Variants in TNFRSF8 observed in about 807,000 individuals in gnomAD.
TNFRSF8 encodes the protein tumor necrosis factor receptor superfamily member 8.
TNFRSF8 carries 26 observed loss-of-function variants against 70.8 expected under a neutral mutation model. The observed-to-expected ratio is 0.37, with a 90% CI of 0.27 to 0.51. The LOEUF is 0.51. Ranked by LOEUF, TNFRSF8 falls within the 20% of genes least tolerant of loss-of-function variation. The probability of loss-of-function intolerance (pLI) is 0.94; values close to 1 mark genes in which losing one functional copy is unlikely to be tolerated. For synonymous variants in TNFRSF8, 356 were observed against 339.2 expected (o/e 1.05, Z -0.54); for missense variants, 720 against 807.9 (o/e 0.89, Z 1.32).
rs984413108 is a variant in TNFRSF8, at chr1:12,109,740, C to T, written c.512+84C>T. 1.5e-5 allele frequency: 18 copies of T among 1,211,896 alleles called. No homozygotes were observed. The highest frequency in any genetic ancestry group is 2.2e-5 in the Non-Finnish European group (18 of 831,704). The allele number at this position is 1,211,896 out of a possible 1,614,324, so 75.1% of individuals were successfully genotyped here. ...CCCACCCCACAGGACGCCCATGGTA[C>T]AACTGGGCTGGGGGTGTAAGCGGGA... On this transcript the variant is annotated intron_variant, in intron 5 of 14. Coordinates refer to ENST00000263932, the MANE Select transcript of TNFRSF8 (RefSeq NM_001243.5). This position sits in a 1 kb window ranked among gnomAD's most constrained non-coding sequence, Gnocchi z 4.4.
chr1:12,139,585 G>C (rs1024274109), intron 14 of TNFRSF8, among the ~76,000 whole-genome samples: 2 of 152,320 alleles, frequency 1.3e-5, no homozygotes, highest in East Asian at 3.9e-4. Flanking sequence ...CTGGCTTTGT[G>C]CTCCCTGTGG....
chr1:12,120,939 C>T (rs551096287), intron 8 of TNFRSF8, among the ~76,000 whole-genome samples: 4 of 152,304 alleles, frequency 2.6e-5, no homozygotes, highest in East Asian at 3.9e-4. Flanking sequence ...GCAGATCTGT[C>T]GCTGGATTTC....
At position 12,118,051 on chromosome 1, in the gene TNFRSF8, G is replaced by C. The variant is rs566812807; in HGVS notation, c.946+2322G>C. 7.6e-4 allele frequency among the ~76,000 whole-genome samples: 115 copies of C among 152,244 alleles called. 1 individual carries two copies. The highest frequency in any genetic ancestry group is 2.6e-3 in the African/African-American group (107 of 41,544). ...TTTCTTTCCTTATGATGGCTGAGTA[G>C]TATTCCATTGTGTATAGATGCCACA... On this transcript the variant is annotated intron_variant, in intron 8 of 14. Coordinates refer to ENST00000263932, the MANE Select transcript of TNFRSF8 (RefSeq NM_001243.5).
Position 12,138,682 on chromosome 1 carries a change from C to G in TNFRSF8, c.1543+246C>G, listed in dbSNP as rs556685311. ...GATGCCTGCTGTTACTCATAAAAAA[C>G]GAACACCACCCCAGCCCCCAACACC... On this transcript the variant is annotated intron_variant, in intron 14 of 14. Transcript: ENST00000263932. This position sits in a 1 kb window ranked among gnomAD's most constrained non-coding sequence, Gnocchi z 5.7. Among the ~76,000 whole-genome samples, 296 of 152,280 alleles carry G rather than the reference C, an allele frequency of 1.9e-3. 2 individuals carry two copies. The highest frequency in any genetic ancestry group is 6.8e-3 in the African/African-American group (282 of 41,568).
intron 6 of TNFRSF8, 113 bp from the exon 7 acceptor site, chr1:12,111,785 A>ATGCG (rs1203959370): frequency 1.2e-6 from 1 of 814,606 alleles, no homozygotes; most frequent in Non-Finnish European, 2.2e-6. Context: ...CTGAGCTGAC[A>ATGCG]TGCGGAGTTT....
In TNFRSF8 at chr1:12,109,022, A is replaced by G. The variant is rs1641577577; in HGVS notation, c.422-544A>G. Among the ~76,000 whole-genome samples, 1 of 152,058 alleles carries G rather than the reference A, an allele frequency of 6.6e-6. No homozygotes were observed. Among genetic ancestry groups the G allele is most frequent in the African/African-American group, 2.4e-5 (1 of 41,390 alleles). ...TTAAAAGTCTGGGGATAGCTCTGAGAAGCTTCAGGCATGGCTGGATCCAGG... is the reference window on the plus strand; with the variant it reads ...TTAAAAGTCTGGGGATAGCTCTGAGGAGCTTCAGGCATGGCTGGATCCAGG... On this transcript the variant is annotated intron_variant, in intron 4 of 14. Transcript: ENST00000263932. This position sits in a 1 kb window ranked among gnomAD's most constrained non-coding sequence, Gnocchi z 4.4.
chr1:12,097,075 T>G, intron 2 of TNFRSF8, 26 bp from the exon 3 acceptor site: 13 of 1,597,628 alleles, frequency 8.1e-6, no homozygotes, highest in Non-Finnish European at 1.1e-5. Flanking sequence ...CAGCCTGGCT[T>G]GGAGCTTCTC....
chr1:12,127,259 G>A (rs964199436), intron 12 of TNFRSF8, among the ~76,000 whole-genome samples: 6 of 152,202 alleles, frequency 3.9e-5, no homozygotes, highest in East Asian at 1.9e-4. Flanking sequence ...CTGAGCCTTC[G>A]TTTCTGATTT....
chr1:12,064,503 TG>T (rs1243656490), intron 1 of TNFRSF8, among the ~76,000 whole-genome samples: 1 of 151,024 alleles, frequency 6.6e-6, no homozygotes, highest in East Asian at 1.9e-4. Flanking sequence ...TAGGTGCGAG[TG>T]GATGCCTGCT....
chr1:12,070,980 C>G (rs1291729478), intron 1 of TNFRSF8, among the ~76,000 whole-genome samples: 1 of 152,140 alleles, frequency 6.6e-6, no homozygotes, highest in African/African-American at 2.4e-5. Context: ...TTCTATTAAC[C>G]AAGCCCAAGA....
intron 3 of TNFRSF8, among the ~76,000 whole-genome samples, chr1:12,099,163 C>G (rs1466375885): frequency 6.7e-6 from 1 of 149,626 alleles, no homozygotes; most frequent in Non-Finnish European, 1.5e-5. Flanking sequence ...TCTTTTTTTT[C>G]TTTTTGAGAC....
intron 4 of TNFRSF8, among the ~76,000 whole-genome samples, chr1:12,106,843 G>GA (rs1246652525): frequency 1.3e-5 from 2 of 152,216 alleles, no homozygotes; most frequent in African/African-American, 2.4e-5. Context: ...TCTCAAATGA[G>GA]GAGGTATAAC....
chr1:12,064,500 G>T (rs532130780), intron 1 of TNFRSF8, among the ~76,000 whole-genome samples: 1 of 152,116 alleles, frequency 6.6e-6, no homozygotes, highest in Admixed American at 6.6e-5. Context: ...TAGTAGGTGC[G>T]AGTGGATGCC....
intron 14 of TNFRSF8, among the ~76,000 whole-genome samples, chr1:12,140,727 C>T (rs1642236521): frequency 6.6e-6 from 1 of 152,198 alleles, no homozygotes; most frequent in South Asian, 2.1e-4. Context: ...CTGCCCATTT[C>T]CCTGAGGAAT....
At chr1:12,079,949 ATT>A (rs111729252) in intron 1 of TNFRSF8, among the ~76,000 whole-genome samples, 3,940 of 126,966 alleles carry the variant, frequency 0.031, 118 homozygotes, top group African/African-American at 0.095. Context: ...TTAATTCTCT[ATT>A]TTTTTTTTTT....
Position 12,112,164 on chromosome 1 carries a change from A to G in TNFRSF8, c.793+150A>G. The G allele has an allele frequency of 1.7e-6, 1 of 600,312 alleles. No individual in the cohort carries two copies. Among genetic ancestry groups the G allele is most frequent in the Non-Finnish European group, 2.9e-6 (1 of 339,434 alleles). 37.2% of individuals were successfully genotyped at this position (600,312 alleles called of 1,614,324 possible). Reference sequence around the variant, plus strand: ...TTCCATTGGCATATTATTTCCTTCCAGGAAGCGTTTGTGAATCACCCACCT... The same window carrying G: ...TTCCATTGGCATATTATTTCCTTCCGGGAAGCGTTTGTGAATCACCCACCT... On this transcript the variant is annotated intron_variant, in intron 7 of 14. Coordinates refer to ENST00000263932, the MANE Select transcript of TNFRSF8 (RefSeq NM_001243.5). The surrounding 1 kb of genome is among the most constrained non-coding windows in gnomAD (Gnocchi z 5.3).
At chr1:12,094,681 A>G (rs1274006434) in intron 2 of TNFRSF8, among the ~76,000 whole-genome samples, 1 of 140,916 alleles carries the variant, frequency 7.1e-6, no homozygotes, top group Non-Finnish European at 1.5e-5. Flanking sequence ...GCTGGAGTGC[A>G]GTGACGCGAT....
At chr1:12,126,303 G>A (rs1370254877) in intron 12 of TNFRSF8, 67 bp downstream of exon 12, 5 of 1,589,560 alleles carry the variant, frequency 3.1e-6, no homozygotes, top group Non-Finnish European at 4.3e-6. Context: ...TGGGCCCGGG[G>A]CGTGGGCTCC....
Position 12,088,414 on chromosome 1 carries a change from T to A in TNFRSF8, c.151+3863T>A, listed in dbSNP as rs1447411384. ...GAATTTGCACAAGGCCACATGCGTA[T>A]CAGTGGCTCAGCCGGGCCGTGAACA... On this transcript the variant is annotated intron_variant, in intron 2 of 14. Coordinates refer to ENST00000263932, the MANE Select transcript of TNFRSF8 (RefSeq NM_001243.5). This position sits in a 1 kb window ranked among gnomAD's most constrained non-coding sequence, Gnocchi z 4.0. Among the ~76,000 whole-genome samples the A allele has an allele frequency of 6.6e-6, 1 of 152,048 alleles. No individual in the cohort carries two copies. Among genetic ancestry groups the A allele is most frequent in the African/African-American group, 2.4e-5 (1 of 41,402 alleles).
Sources: allele counts gnomAD v4.1 joint callset (sites outside exome capture counted in the v4.1 genomes callset), GRCh38; gene constraint gnomAD v4.1.1; non-coding constraint Gnocchi (gnomAD v3.1); transcripts MANE v1.5; gene names NCBI Gene and HGNC (gene_info 2026-07-23, HGNC 2026-07-21).